Variants in RPS6KC1 observed in about 807,000 individuals in gnomAD.
The protein encoded by RPS6KC1 is inactive ribosomal protein S6 kinase delta-1.
In RPS6KC1, 54 loss-of-function variants were observed where a neutral mutation model predicts 103.8. The observed-to-expected ratio is 0.52, with a 90% CI of 0.42 to 0.65. The LOEUF (loss-of-function observed/expected upper bound fraction) is 0.65. RPS6KC1 is among the 30% of genes least tolerant of loss of function. The probability of loss-of-function intolerance (pLI) is 0.00; values close to 1 mark genes in which losing one functional copy is unlikely to be tolerated. For missense variants in RPS6KC1, 1,151 were observed against 1,253.8 expected (o/e 0.92, Z 1.24); for synonymous variants, 439 against 438.7 (o/e 1.00, Z -0.01).
chr1:213,162,129 A>G (rs1387625791), intron 6 of RPS6KC1, among the ~76,000 whole-genome samples: 1 of 152,124 alleles, frequency 6.6e-6, no homozygotes, highest in African/African-American at 2.4e-5. Flanking sequence ...GGTGTCTGTC[A>G]TTAGATCTTT....
the RPS6KC1 span, among the ~76,000 whole-genome samples, chr1:213,524,442 A>G: frequency 6.6e-6 from 1 of 151,326 alleles, no homozygotes; most frequent in Non-Finnish European, 1.5e-5. Flanking sequence ...CCTCTGGCTC[A>G]GCAGATCGAC....
At chr1:213,399,770 C>T in the RPS6KC1 span, among the ~76,000 whole-genome samples, 8 of 152,220 alleles carry the variant, frequency 5.3e-5, no homozygotes, top group East Asian at 1.2e-3. Context: ...AGATGTCCAT[C>T]GCTGTGGGAA....
chr1:213,286,373 T>C, the RPS6KC1 span, among the ~76,000 whole-genome samples: 255 of 152,316 alleles, frequency 1.7e-3, no homozygotes, highest in African/African-American at 5.8e-3. Flanking sequence ...TGAAACATTT[T>C]ATAAGATAAC....
the RPS6KC1 span, among the ~76,000 whole-genome samples, chr1:213,361,617 C>T: frequency 6.6e-6 from 1 of 152,230 alleles, no homozygotes; most frequent in African/African-American, 2.4e-5. Context: ...GCAGAAATCA[C>T]CCGTCTTCTG....
rs142354441 is a variant in RPS6KC1, at chr1:213,126,722, A to G, written c.473-2805A>G. Among the ~76,000 whole-genome samples, 354 of 152,330 alleles carry G rather than the reference A, an allele frequency of 2.3e-3. 1 individual carries two copies. Among genetic ancestry groups the G allele is most frequent in the African/African-American group, 7.9e-3 (327 of 41,580 alleles). Reference sequence around the variant, plus strand: ...TGATTTTGTGGTTTTGTGATGGGAAAATTATAAGGAATTCACACTTCAATG... The same window carrying G: ...TGATTTTGTGGTTTTGTGATGGGAAGATTATAAGGAATTCACACTTCAATG... On this transcript the variant is annotated intron_variant, in intron 5 of 14. Transcript: ENST00000366960.
chr1:213,174,816 G>GT (rs923396636), intron 7 of RPS6KC1, among the ~76,000 whole-genome samples: 32 of 151,308 alleles, frequency 2.1e-4, no homozygotes, highest in Middle Eastern at 3.4e-3. Context: ...AAATATATCC[G>GT]TTTTTTTTAT....
the RPS6KC1 span, among the ~76,000 whole-genome samples, chr1:213,655,905 C>T: frequency 6.6e-6 from 1 of 152,120 alleles, no homozygotes; most frequent in Admixed American, 6.5e-5. Flanking sequence ...ACTCAGAAGT[C>T]CTCCCTAAGC....
chr1:213,137,412 C>T (rs552543057), intron 6 of RPS6KC1, among the ~76,000 whole-genome samples: 3 of 152,134 alleles, frequency 2.0e-5, no homozygotes, highest in Non-Finnish European at 4.4e-5. Flanking sequence ...CGGCTCACCA[C>T]AACCTCTGCC....
chr1:213,615,691 G>A, the RPS6KC1 span, among the ~76,000 whole-genome samples: 3 of 152,240 alleles, frequency 2.0e-5, no homozygotes, highest in Non-Finnish European at 2.9e-5. Context: ...CGCGCCATCT[G>A]GGGGCCTTGC....
chr1:213,407,070 C>T, the RPS6KC1 span, among the ~76,000 whole-genome samples: 2,979 of 152,176 alleles, frequency 0.02, 99 homozygotes, highest in African/African-American at 0.067. Context: ...GCCCCAGCCC[C>T]CAAGGTCCTA....
At chr1:213,389,916 C>CA in the RPS6KC1 span, among the ~76,000 whole-genome samples, 1 of 152,056 alleles carries the variant, frequency 6.6e-6, no homozygotes. Context: ...AATGTAATTA[C>CA]CAGTGGCCCT....
intron 12 of RPS6KC1, 71 bp from the exon 13 acceptor site, chr1:213,261,487 T>C: frequency 7.4e-7 from 1 of 1,345,256 alleles, no homozygotes; most frequent in Middle Eastern, 1.8e-4. Flanking sequence ...GTCACCTTGC[T>C]AATACATGTT....
chr1:213,221,142 C>A (rs922500963), intron 8 of RPS6KC1, among the ~76,000 whole-genome samples: 4 of 151,808 alleles, frequency 2.6e-5, no homozygotes, highest in African/African-American at 9.7e-5. Flanking sequence ...ATTTTATTCA[C>A]CATAATGCCT....
In RPS6KC1 at chr1:213,167,813, ACTG is replaced by A. The variant is rs2091123509; in HGVS notation, c.836-44_836-42del. 1.2e-5 allele frequency: 15 copies of A among 1,271,300 alleles called. No individual in the cohort carries two copies. In the Admixed American group the frequency reaches 2.6e-4, roughly 22 times the overall value. The allele number at this position is 1,271,300 out of a possible 1,614,324, so 78.8% of individuals were successfully genotyped here. Reference sequence around the variant, plus strand: ...AGAAGGAAGTTAATTTTCAGGTTGAACTGAGGAAAATTTATTTTTTACATGTCC... The same window carrying A: ...AGAAGGAAGTTAATTTTCAGGTTGAAAGGAAAATTTATTTTTTACATGTCC... On this transcript the variant is annotated intron_variant, in intron 6 of 14. Coordinates refer to ENST00000366960, the MANE Select transcript of RPS6KC1 (RefSeq NM_012424.6).
In RPS6KC1 at chr1:213,200,608, T is replaced by C. The variant is rs115312499; in HGVS notation, c.1044+24116T>C. Among the ~76,000 whole-genome samples, 495 of 152,202 alleles carry C rather than the reference T, an allele frequency of 3.3e-3. 4 individuals carry two copies. The highest frequency in any genetic ancestry group is 0.011 in the African/African-American group (466 of 41,534). On this transcript the variant is annotated intron_variant, in intron 8 of 14. Coordinates refer to ENST00000366960, the MANE Select transcript of RPS6KC1 (RefSeq NM_012424.6). The stretch of plus-strand genomic sequence containing the variant: ...TTTATGTCAAAGATGCCAAAAGCAA[T>C]GGCAAAAAACAAAAATTGACAAATG...
chr1:213,788,671 C>A, the RPS6KC1 span, among the ~76,000 whole-genome samples: 1 of 152,174 alleles, frequency 6.6e-6, no homozygotes, highest in Non-Finnish European at 1.5e-5. Flanking sequence ...ATTCTGGTCA[C>A]TCATCTGACA....
At position 213,268,587 on chromosome 1, in the gene RPS6KC1, A is replaced by C. The variant is rs1268370697; in HGVS notation, c.3091-3937A>C. On this transcript the variant is annotated intron_variant, in intron 14 of 14. Transcript: ENST00000366960. ...TATATATTTATATATTGTATATATAAATATATATTTTTTATTTAAAAGACA... is the reference window on the plus strand; with the variant it reads ...TATATATTTATATATTGTATATATACATATATATTTTTTATTTAAAAGACA... Among the ~76,000 whole-genome samples, 6 of 147,986 alleles carry C rather than the reference A, an allele frequency of 4.1e-5. No homozygotes were observed. The South Asian group carries it at 1.3e-3, about 31-fold the overall frequency.
At chr1:213,712,628 C>T in the RPS6KC1 span, among the ~76,000 whole-genome samples, 2 of 152,196 alleles carry the variant, frequency 1.3e-5, no homozygotes, top group African/African-American at 4.8e-5. Flanking sequence ...GTTGGAAACC[C>T]AGGGCCCTGG....
At chr1:213,783,106 T>C in the RPS6KC1 span, among the ~76,000 whole-genome samples, 5 of 152,358 alleles carry the variant, frequency 3.3e-5, no homozygotes, top group South Asian at 1.0e-3. Context: ...TGTTATTTCT[T>C]TTTAATTTGC....
Sources: gnomAD v4.1 joint callset for allele counts (sites outside exome capture counted in the v4.1 genomes callset) on GRCh38, gnomAD v4.1.1 for gene constraint, MANE v1.5 for transcripts, NCBI Gene and HGNC (gene_info 2026-07-23, HGNC 2026-07-21) for gene names.